Variants in NRG1 observed in about 807,000 individuals in gnomAD.
NRG1 encodes pro-neuregulin-1, membrane-bound isoform.
A neutral mutation model predicts 63.8 loss-of-function variants in NRG1; 18 were observed. That is an observed-to-expected ratio of 0.28 (90% CI 0.19 to 0.42). The LOEUF is 0.42. NRG1 is among the 10% of genes least tolerant of loss of function. The pLI, the probability that NRG1 is intolerant of heterozygous loss-of-function variation, is 1.00. For synonymous variants in NRG1, 302 were observed against 301.3 expected (o/e 1.00, Z -0.02); for missense variants, 762 against 814.7 (o/e 0.94, Z 0.79).
chr8:32,650,502 T>C (rs1431110239), intron 5 of NRG1, among the ~76,000 whole-genome samples: 3 of 152,022 alleles, frequency 2.0e-5, no homozygotes, highest in African/African-American at 4.8e-5. Flanking sequence ...ATTGTAAAAA[T>C]TGTGAGACTA....
intron 1 of NRG1, among the ~76,000 whole-genome samples, chr8:31,992,918 A>G (rs929650251): frequency 6.6e-6 from 1 of 152,000 alleles, no homozygotes; most frequent in Non-Finnish European, 1.5e-5. Context: ...CCAAAAAAAT[A>G]ATAATAACAA....
chr8:32,763,307 C>T, intron 11 of NRG1: 1 of 1,614,042 alleles, frequency 6.2e-7, no homozygotes, highest in Non-Finnish European at 8.5e-7. Context: ...CTTAGATCTT[C>T]TTCCATTCCC....
chr8:32,704,993 G>A (rs982464709), intron 5 of NRG1, among the ~76,000 whole-genome samples: 10 of 152,122 alleles, frequency 6.6e-5, no homozygotes, highest in South Asian at 4.1e-4. Context: ...AAAAAATGTA[G>A]AGTTGTTTCT....
chr8:32,051,990 C>A (rs1288707198), intron 1 of NRG1, among the ~76,000 whole-genome samples: 2 of 152,072 alleles, frequency 1.3e-5, no homozygotes, highest in African/African-American at 4.8e-5. Flanking sequence ...AACTTAGTAC[C>A]TTGATTTCTG....
chr8:32,000,149 T>A (rs554665390), intron 1 of NRG1, among the ~76,000 whole-genome samples: 1 of 152,130 alleles, frequency 6.6e-6, no homozygotes, highest in Admixed American at 6.5e-5. Flanking sequence ...ATGTGTACAC[T>A]TTATTGTGTA....
intron 1 of NRG1, among the ~76,000 whole-genome samples, chr8:32,106,600 G>A (rs1357139911): frequency 2.0e-5 from 3 of 152,154 alleles, no homozygotes; most frequent in Admixed American, 2.0e-4. Flanking sequence ...GCCTTCTTCA[G>A]ATGTGAGAGT....
In NRG1 at chr8:31,812,420, T is replaced by C. The variant is rs1054486773; in HGVS notation, c.37+172989T>C. 4.6e-5 allele frequency among the ~76,000 whole-genome samples: 7 copies of C among 152,336 alleles called. No individual in the cohort carries two copies. The East Asian group carries it at 9.6e-4, about 21-fold the overall frequency. On this transcript the variant is annotated intron_variant, in intron 1 of 10. Coordinates refer to the NRG1 transcript ENST00000519301. ...CCTGGGACAACATTTAGAGAACCGC[T>C]AGATTAGACAGTCTCACAACAGGGA...
intron 1 of NRG1, among the ~76,000 whole-genome samples, chr8:32,041,879 T>A (rs1218760147): frequency 1.3e-5 from 2 of 152,150 alleles, no homozygotes; most frequent in East Asian, 3.9e-4. Flanking sequence ...GTGCCTGGGC[T>A]CAAATCCAAA....
chr8:32,620,657 T>C (rs1424350254), intron 5 of NRG1, among the ~76,000 whole-genome samples: 1 of 151,588 alleles, frequency 6.6e-6, no homozygotes, highest in African/African-American at 2.4e-5. Context: ...ACCTCATCTC[T>C]ATAAAAAAAT....
At chr8:32,235,880 T>C (rs1439760444) in intron 1 of NRG1, among the ~76,000 whole-genome samples, 1 of 152,180 alleles carries the variant, frequency 6.6e-6, no homozygotes, top group Non-Finnish European at 1.5e-5. Flanking sequence ...TGAATACCTA[T>C]AGTTGAAGAA....
At chr8:32,720,433 C>T (rs548665248) in intron 5 of NRG1, among the ~76,000 whole-genome samples, 7 of 152,120 alleles carry the variant, frequency 4.6e-5, no homozygotes, top group Middle Eastern at 3.4e-3. Context: ...GCAGGCTAGA[C>T]GGATTGTACT....
chr8:31,923,830 C>A (rs1279113741), intron 1 of NRG1, among the ~76,000 whole-genome samples: 1 of 151,956 alleles, frequency 6.6e-6, no homozygotes, highest in Non-Finnish European at 1.5e-5. Context: ...CACATTGTAC[C>A]CACCAAGCAA....
rs571179360 is a variant in NRG1 at position 32,693,452 on chromosome 8, G to A, written c.503-34497G>A. 4.6e-5 allele frequency among the ~76,000 whole-genome samples: 7 copies of A among 151,302 alleles called. No homozygotes were observed. The South Asian group carries it at 6.3e-4, about 14-fold the overall frequency. ...AGGATGGTCTTGATCTCCTGACCTTGTGATCCGCCCACCTCGGCCTCCCAA... is the reference window on the plus strand; with the variant it reads ...AGGATGGTCTTGATCTCCTGACCTTATGATCCGCCCACCTCGGCCTCCCAA... On this transcript the variant is annotated intron_variant, in intron 5 of 11. Coordinates refer to ENST00000356819, the Ensembl canonical transcript of NRG1.
intron 1 of NRG1, among the ~76,000 whole-genome samples, chr8:31,956,405 C>T (rs1804415714): frequency 6.6e-6 from 1 of 152,100 alleles, no homozygotes; most frequent in African/African-American, 2.4e-5. Context: ...ATCACAAGGT[C>T]AGGAGATCGA....
chr8:32,525,151 C>T (rs6651144), intron 1 of NRG1, among the ~76,000 whole-genome samples: 91,014 of 151,958 alleles, frequency 0.6, 27,729 homozygotes, highest in East Asian at 0.84. Context: ...TTCTTGGTTG[C>T]CCTCTCCTTG....
intron 1 of NRG1, among the ~76,000 whole-genome samples, chr8:31,808,709 T>C (rs1034917601): frequency 1.3e-5 from 2 of 152,102 alleles, no homozygotes; most frequent in Admixed American, 1.3e-4. Context: ...AGTACTAATA[T>C]CTTGTCTTGA....
intron 1 of NRG1, among the ~76,000 whole-genome samples, chr8:32,186,418 G>A (rs889112065): frequency 1.0e-4 from 15 of 143,692 alleles, no homozygotes; most frequent in Non-Finnish European, 1.8e-4. Context: ...CCGAGATGGC[G>A]CCACTGCCCT....
At chr8:32,689,704 T>C (rs1811089174) in intron 5 of NRG1, among the ~76,000 whole-genome samples, 1 of 152,156 alleles carries the variant, frequency 6.6e-6, no homozygotes, top group South Asian at 2.1e-4. Flanking sequence ...GTAATATACA[T>C]ATACATATTT....
At chr8:32,278,456 C>T (rs1852345584) in intron 1 of NRG1, among the ~76,000 whole-genome samples, 1 of 152,160 alleles carries the variant, frequency 6.6e-6, no homozygotes, top group Admixed American at 6.5e-5. Context: ...CATCCCCTGC[C>T]CATTCACACT....
Sources: gnomAD v4.1 joint callset for allele counts (sites outside exome capture counted in the v4.1 genomes callset) on GRCh38, gnomAD v4.1.1 for gene constraint, MANE v1.5 for transcripts, NCBI Gene and HGNC (gene_info 2026-07-23, HGNC 2026-07-21) for gene names.